The following AGO2 variants were observed in gnomAD, a reference collection of about 807,000 sequenced individuals.
AGO2 encodes the protein protein argonaute-2.
In AGO2, 5 loss-of-function variants were observed where a neutral mutation model predicts 102.3. That is an observed-to-expected ratio of 0.05 (90% confidence interval 0.03 to 0.10). AGO2 has a LOEUF of 0.10. AGO2 is among the 10% of genes least tolerant of loss of function. The pLI, the probability that AGO2 is intolerant of heterozygous loss-of-function variation, is 1.00. For missense variants in AGO2, 541 were observed against 1,183.7 expected (o/e 0.46, Z 7.97); for synonymous variants, 449 against 473.1 (o/e 0.95, Z 0.66).
Position 140,547,664 on chromosome 8 carries a change from G to A in AGO2, c.1589-37C>T, listed in dbSNP as rs745707475. The A allele has an allele frequency of 8.9e-6, 14 of 1,581,834 alleles. 1 individual carries two copies. In the South Asian group the frequency reaches 1.0e-4, roughly 12 times the overall value. ...GAGAGGCACACACAGCTCTGCCGGC[G>A]CCCCTTCCTCAGCTGGCCCCGAGAG... On this transcript the variant is annotated intron_variant, in intron 12 of 18. Transcript: ENST00000220592.
chr8:140,620,971 T>C (rs559526011), intron 1 of AGO2, among the ~76,000 whole-genome samples: 40 of 152,258 alleles, frequency 2.6e-4, no homozygotes, highest in African/African-American at 6.0e-4. Context: ...TGGAGTGCAA[T>C]GGCATGATCA....
At chr8:140,562,366 C>T (rs994131673) in intron 4 of AGO2, 87 bp downstream of exon 4, 18 of 1,473,484 alleles carry the variant, frequency 1.2e-5, no homozygotes, top group East Asian at 4.7e-5. Context: ...AAGAATGAGC[C>T]GTTCCTCGGA....
intron 3 of AGO2, among the ~76,000 whole-genome samples, chr8:140,566,074 G>A (rs947864371): frequency 2.2e-4 from 33 of 152,020 alleles, no homozygotes; most frequent in Non-Finnish European, 1.5e-5. Flanking sequence ...TTGACTGCAT[G>A]GGGAATCAGC....
rs145132707 is a variant in AGO2 at position 140,614,381 on chromosome 8, G to A, written c.22+21104C>T. Among the ~76,000 whole-genome samples the A allele has an allele frequency of 2.0e-4, 31 of 152,266 alleles. No homozygotes were observed. The East Asian group carries it at 5.6e-3, about 27-fold the overall frequency. On this transcript the variant is annotated intron_variant, in intron 1 of 18. Transcript: ENST00000220592. ...TCAATATTCATTTATTCAAAACAGT[G>A]TCCTAAGAAAAACACATTAAACCAA...
At chr8:140,574,056 A>G (rs1458042071) in intron 2 of AGO2, among the ~76,000 whole-genome samples, 1 of 151,942 alleles carries the variant, frequency 6.6e-6, no homozygotes, top group Non-Finnish European at 1.5e-5. Flanking sequence ...AGGCATTCCA[A>G]TGGCAGAAGG....
intron 3 of AGO2, among the ~76,000 whole-genome samples, chr8:140,571,044 C>T (rs2073369937): frequency 6.6e-6 from 1 of 152,180 alleles, no homozygotes; most frequent in Admixed American, 6.5e-5. Context: ...AAAATGACTA[C>T]ATTTCAGCTC....
Position 140,546,977 on chromosome 8 carries a change from G to A in AGO2, c.1748+491C>T, listed in dbSNP as rs564478287. ...GGTCAGCCCTGGGCCTCTGAGACCGGCAGGTGGCCAGCGCTTGGCCACATA... is the reference window on the plus strand; with the variant it reads ...GGTCAGCCCTGGGCCTCTGAGACCGACAGGTGGCCAGCGCTTGGCCACATA... On this transcript the variant is annotated intron_variant, in intron 13 of 18. Coordinates refer to ENST00000220592, the MANE Select transcript of AGO2 (RefSeq NM_012154.5). Among the ~76,000 whole-genome samples the A allele has an allele frequency of 3.9e-5, 6 of 152,308 alleles. No individual in the cohort carries two copies. The South Asian group carries it at 1.2e-3, about 32-fold the overall frequency.
In AGO2 at chr8:140,558,647, T is replaced by C. The variant is rs2073142579; in HGVS notation, c.791-75A>G. The stretch of plus-strand genomic sequence containing the variant: ...TGCAGGCGCCACTTGCGAGAATCAG[T>C]TTTCATAGGAATGTGGCTGGGGACC... On this transcript the variant is annotated intron_variant, in intron 6 of 18. Transcript: ENST00000220592. 8 of 1,500,060 alleles carry C rather than the reference T, an allele frequency of 5.3e-6. No individual in the cohort carries two copies. In the Admixed American group the frequency reaches 1.2e-4, roughly 22 times the overall value. 92.9% of individuals were successfully genotyped at this position (1,500,060 alleles called of 1,614,324 possible).
intron 2 of AGO2, among the ~76,000 whole-genome samples, chr8:140,577,220 A>AAAAAG (rs1412318573): frequency 2.0e-5 from 3 of 151,246 alleles, no homozygotes; most frequent in African/African-American, 7.3e-5. Flanking sequence ...AAAAAAAAAA[A>AAAAAG]AAAAAAAAGA....
chr8:140,600,315 G>A (rs998810063), intron 1 of AGO2, among the ~76,000 whole-genome samples: 1 of 152,234 alleles, frequency 6.6e-6, no homozygotes, highest in Admixed American at 6.5e-5. Flanking sequence ...CTGCTTCCCA[G>A]CCTTGTGTTA....
In AGO2 at chr8:140,553,439, C is replaced by T. The variant is rs183395883; in HGVS notation, c.1270-2003G>A. ...TTTTTTTTTTTTTGAGACGGAGTTT[C>T]GCTCTTGTTGCCCAGGCTGGAGTGC... On this transcript the variant is annotated intron_variant, in intron 10 of 18. Transcript: ENST00000220592. 6.8e-3 allele frequency among the ~76,000 whole-genome samples: 888 copies of T among 131,384 alleles called. 4 individuals carry two copies. Among genetic ancestry groups the T allele is most frequent in the Middle Eastern group, 0.028 (6 of 212 alleles). The allele number at this position is 131,384 out of a possible 152,430, so 86.2% of individuals were successfully genotyped here. A position where few individuals can be genotyped will look rare whatever the true frequency, so the allele number is the denominator to read the frequency against.
At chr8:140,551,934 G>GATGGATGA (rs928483967) in intron 10 of AGO2, among the ~76,000 whole-genome samples, 8 of 152,174 alleles carry the variant, frequency 5.3e-5, no homozygotes, top group African/African-American at 1.4e-4. Flanking sequence ...GAGATGGAGA[G>GATGGATGA]ATGGATGAAT....
intron 1 of AGO2, among the ~76,000 whole-genome samples, chr8:140,604,702 C>T (rs1419782333): frequency 1.3e-5 from 2 of 151,710 alleles, no homozygotes; most frequent in Non-Finnish European, 2.9e-5. Flanking sequence ...TGGCGGGTGC[C>T]TGTAGTCCCA....
chr8:140,584,672 G>A (rs1025352905), intron 2 of AGO2, among the ~76,000 whole-genome samples: 5 of 152,156 alleles, frequency 3.3e-5, no homozygotes, highest in Non-Finnish European at 5.9e-5. Flanking sequence ...ACACAACGGC[G>A]CAGGTGGGTC....
intron 10 of AGO2, among the ~76,000 whole-genome samples, chr8:140,552,860 T>A (rs963797235): frequency 6.6e-6 from 1 of 152,198 alleles, no homozygotes; most frequent in Non-Finnish European, 1.5e-5. Flanking sequence ...CTGTGCCCTG[T>A]AGGCGATCCC....
intron 3 of AGO2, among the ~76,000 whole-genome samples, chr8:140,570,713 C>T (rs2073364108): frequency 6.6e-6 from 1 of 152,136 alleles, no homozygotes; most frequent in South Asian, 2.1e-4. Flanking sequence ...TGCCATCTCT[C>T]CGTTTTACAG....
At chr8:140,602,551 A>G (rs2073947105) in intron 1 of AGO2, among the ~76,000 whole-genome samples, 2 of 152,246 alleles carry the variant, frequency 1.3e-5, no homozygotes, top group Admixed American at 1.3e-4. Context: ...TTTAGCTTTA[A>G]GTAAAATCTC....
intron 1 of AGO2, among the ~76,000 whole-genome samples, chr8:140,585,662 A>AAG (rs2073645008): frequency 6.6e-6 from 1 of 152,192 alleles, no homozygotes; most frequent in South Asian, 2.1e-4. Flanking sequence ...CCGCTCGTTT[A>AAG]CTCAGGAAGC....
intron 17 of AGO2, among the ~76,000 whole-genome samples, chr8:140,535,231 C>A (rs1456445761): frequency 1.3e-5 from 2 of 152,166 alleles, no homozygotes; most frequent in Non-Finnish European, 2.9e-5. Flanking sequence ...GCTCCCTGCT[C>A]CTCAGCCCTA....
Sources: gnomAD v4.1 joint callset for allele counts (sites outside exome capture counted in the v4.1 genomes callset) on GRCh38, gnomAD v4.1.1 for gene constraint, MANE v1.5 for transcripts, NCBI Gene and HGNC (gene_info 2026-07-23, HGNC 2026-07-21) for gene names.